The following MMP26 variants were observed in gnomAD, a reference collection of about 807,000 sequenced individuals.
MMP26 encodes matrix metalloproteinase-26.
MMP26 carries 33 observed loss-of-function variants against 31.0 expected under a neutral mutation model. That is an observed-to-expected ratio of 1.06 (90% CI 0.81 to 1.42). The LOEUF is 1.42. Among genes scored for constraint, MMP26 ranks in the 40% most tolerant of loss-of-function variants. The probability of loss-of-function intolerance (pLI) is 0.00; values close to 1 mark genes in which losing one functional copy is unlikely to be tolerated. For synonymous variants in MMP26, 122 were observed against 114.9 expected, an observed-to-expected ratio of 1.06 and a Z score of -0.40; for missense variants, 347 against 316.1, an observed-to-expected ratio of 1.10 and a Z score of -0.74.
chr11:4,826,010 T>C (rs1849573861), intron 2 of MMP26, among the ~76,000 whole-genome samples: 2 of 151,998 alleles, frequency 1.3e-5, no homozygotes, highest in African/African-American at 4.8e-5. Flanking sequence ...TATAAAGAAT[T>C]CAGTAGAAAC....
intron 1 of MMP26, among the ~76,000 whole-genome samples, chr11:4,764,147 A>G (rs1848600239): frequency 6.6e-6 from 1 of 152,192 alleles, no homozygotes; most frequent in Non-Finnish European, 1.5e-5. Context: ...TTTACTCCAT[A>G]ATTTTATGTA....
chr11:4,793,989 A>G (rs546008241), intron 2 of MMP26: 2 of 152,344 alleles, frequency 1.3e-5, no homozygotes, highest in South Asian at 2.1e-4. Context: ...GAAGGCATAT[A>G]TGCTAAATAC....
At chr11:4,725,080 C>T (rs1439721671) in intron 1 of MMP26, among the ~76,000 whole-genome samples, 1 of 152,062 alleles carries the variant, frequency 6.6e-6, no homozygotes, top group Non-Finnish European at 1.5e-5. Context: ...GTGTATGGCA[C>T]CTCCCCCTTG....
intron 2 of MMP26, among the ~76,000 whole-genome samples, chr11:4,984,419 T>C (rs558651539): frequency 4.5e-4 from 68 of 152,360 alleles, no homozygotes; most frequent in African/African-American, 1.6e-3. Flanking sequence ...GTTGTTATAA[T>C]GATCACTTGT....
intron 1 of MMP26, among the ~76,000 whole-genome samples, chr11:4,734,542 C>T (rs370292467): frequency 1.6e-4 from 24 of 152,172 alleles, no homozygotes; most frequent in Middle Eastern, 3.4e-3. Context: ...CTATTTAAAG[C>T]GGTGTTTAGC....
intron 2 of MMP26, among the ~76,000 whole-genome samples, chr11:4,831,279 T>C (rs1435182059): frequency 6.6e-6 from 1 of 152,152 alleles, no homozygotes; most frequent in African/African-American, 2.4e-5. Flanking sequence ...ATCTAAGTCA[T>C]GAGAGCTGGG....
chr11:4,735,371 T>C (rs1848226235), intron 1 of MMP26, among the ~76,000 whole-genome samples: 1 of 152,206 alleles, frequency 6.6e-6, no homozygotes, highest in African/African-American at 2.4e-5. Context: ...CAGATATACA[T>C]GCGTGCATGT....
chr11:4,780,313 G>A (rs1052643013), intron 2 of MMP26, among the ~76,000 whole-genome samples: 1 of 152,076 alleles, frequency 6.6e-6, no homozygotes, highest in Non-Finnish European at 1.5e-5. Context: ...AGCAGTGCAT[G>A]AGAATTTTAG....
At chr11:4,842,280 T>A (rs531430273) in intron 2 of MMP26, among the ~76,000 whole-genome samples, 2 of 152,318 alleles carry the variant, frequency 1.3e-5, no homozygotes, top group Admixed American at 1.3e-4. Flanking sequence ...GTTAAAATAA[T>A]GGGTTATAAA....
chr11:4,924,430 A>G (rs1851239857), intron 2 of MMP26: 1 of 1,334,908 alleles, frequency 7.5e-7, no homozygotes, highest in African/African-American at 1.5e-5. Context: ...TAAATGTCCC[A>G]AGATCAGCCA....
intron 1 of MMP26, among the ~76,000 whole-genome samples, chr11:4,762,767 A>T (rs1362886702): frequency 6.6e-6 from 1 of 152,196 alleles, no homozygotes; most frequent in Non-Finnish European, 1.5e-5. Context: ...CTAGAATGGG[A>T]GGCAAATAGT....
intron 1 of MMP26, among the ~76,000 whole-genome samples, chr11:4,760,083 T>TA (rs1210773969): frequency 6.6e-6 from 1 of 152,200 alleles, no homozygotes; most frequent in Non-Finnish European, 1.5e-5. Context: ...TTTTATTTTA[T>TA]AAAGAGGAAT....
intron 1 of MMP26, among the ~76,000 whole-genome samples, chr11:4,737,558 G>A (rs565281828): frequency 3.3e-5 from 5 of 152,178 alleles, no homozygotes; most frequent in South Asian, 4.1e-4. Context: ...CAGGAGAATC[G>A]CTTGAACCCG....
intron 1 of MMP26, chr11:4,723,305 C>T (rs1848044877): frequency 9.9e-7 from 1 of 1,005,520 alleles, no homozygotes; most frequent in South Asian, 1.3e-5. Flanking sequence ...TCCTGCTTCC[C>T]AGCCAGCATC....
chr11:4,778,562 G>A (rs77391320), intron 2 of MMP26, among the ~76,000 whole-genome samples: 20 of 151,842 alleles, frequency 1.3e-4, no homozygotes, highest in Non-Finnish European at 2.4e-4. Context: ...TAAGAATAAA[G>A]CTTCAACTTT....
Position 4,745,858 on chromosome 11 carries a change from G to A in MMP26, c.-216-21412G>A, listed in dbSNP as rs185659613. Among the ~76,000 whole-genome samples the A allele has an allele frequency of 9.3e-4, 141 of 152,272 alleles. No homozygotes were observed. In the South Asian group the frequency reaches 0.016, roughly 17 times the overall value. On this transcript the variant is annotated intron_variant, in intron 1 of 7. Coordinates refer to ENST00000380390, the MANE Select transcript of MMP26 (RefSeq NM_021801.5). ...GATGTCATATAGTTGGAGTTATACA[G>A]TATACAGTCCTTTCAAAATGTTTTT...
intron 2 of MMP26, among the ~76,000 whole-genome samples, chr11:4,918,088 A>G (rs1284163002): frequency 6.6e-6 from 1 of 152,054 alleles, no homozygotes; most frequent in South Asian, 2.1e-4. Flanking sequence ...CTTAGACTTT[A>G]GAAAAAATTT....
intron 2 of MMP26, among the ~76,000 whole-genome samples, chr11:4,938,912 C>T (rs116894438): frequency 0.019 from 2,830 of 152,138 alleles, 35 homozygotes; most frequent in Middle Eastern, 0.037. Flanking sequence ...GTCTAAATCA[C>T]GCTGAATGAG....
At position 4,935,301 on chromosome 11, in the gene MMP26, A is replaced by G. The variant is rs1396192796; in HGVS notation, c.-144-52767A>G. On this transcript the variant is annotated intron_variant, in intron 2 of 7. Coordinates refer to ENST00000380390, the MANE Select transcript of MMP26 (RefSeq NM_021801.5). ...TGAAGAGGTCCTTCACATCCCTTGT[A>G]AGTTGGATTCCTAGGTATTTTATTC... Among the ~76,000 whole-genome samples, 2 of 151,426 alleles carry G rather than the reference A, an allele frequency of 1.3e-5. 1 individual carries two copies. The highest frequency in any genetic ancestry group is 3.0e-5 in the Non-Finnish European group (2 of 67,750).
Sources: allele counts gnomAD v4.1 joint callset (sites outside exome capture counted in the v4.1 genomes callset), GRCh38; gene constraint gnomAD v4.1.1; transcripts MANE v1.5; gene names NCBI Gene and HGNC (gene_info 2026-07-23, HGNC 2026-07-21).